ZMIZ1: variants seen among roughly 807,000 people sequenced by gnomAD.
ZMIZ1 encodes the protein zinc finger MIZ domain-containing protein 1.
Under a neutral mutation model 113.9 loss-of-function variants are expected in ZMIZ1, and 17 were observed. The observed-to-expected ratio is 0.15, with a 90% confidence interval of 0.10 to 0.22. ZMIZ1 has a LOEUF of 0.22. ZMIZ1 is among the 10% of genes least tolerant of loss of function. ZMIZ1 has a pLI of 1.00. For synonymous variants in ZMIZ1, 607 were observed against 603.1 expected (o/e 1.01, Z -0.09); for missense variants, 1,059 against 1,477.8 (o/e 0.72, Z 4.65).
rs1317936901 is a variant in ZMIZ1, at chr10:79,171,565, A to G, written c.-50+9432A>G. Among the ~76,000 whole-genome samples the G allele has an allele frequency of 2.6e-5, 4 of 152,302 alleles. No homozygotes were observed. In the East Asian group the frequency reaches 7.7e-4, roughly 29 times the overall value. On this transcript the variant is annotated intron_variant, in intron 4 of 24. Coordinates refer to ENST00000334512, the MANE Select transcript of ZMIZ1 (RefSeq NM_020338.4). ...GGGTCTGTGCTCGGCTCTTCAGGAG[A>G]CAAAGAAACAGACCTGTGCCAGCCA...
At chr10:79,254,095 T>C (rs1193340195) in intron 7 of ZMIZ1, among the ~76,000 whole-genome samples, 1 of 152,248 alleles carries the variant, frequency 6.6e-6, no homozygotes, top group African/African-American at 2.4e-5. Context: ...GAGGCTGTTT[T>C]CTTAAGCTGA....
chr10:79,279,208 G>A (rs1004055789), intron 8 of ZMIZ1, among the ~76,000 whole-genome samples: 1 of 151,632 alleles, frequency 6.6e-6, no homozygotes, highest in African/African-American at 2.4e-5. Context: ...CTTCCCGGAC[G>A]GGGCGGCTGC....
chr10:79,174,479 G>T (rs1846741665), intron 4 of ZMIZ1, among the ~76,000 whole-genome samples: 1 of 152,238 alleles, frequency 6.6e-6, no homozygotes, highest in South Asian at 2.1e-4. Context: ...GTTTTGATCT[G>T]TAGAATGACT....
chr10:79,095,065 C>A (rs1401658384), intron 1 of ZMIZ1, among the ~76,000 whole-genome samples: 1 of 152,156 alleles, frequency 6.6e-6, no homozygotes, highest in Non-Finnish European at 1.5e-5. Context: ...CAGCTGGCTA[C>A]AGGAGCTCTG....
intron 6 of ZMIZ1, among the ~76,000 whole-genome samples, chr10:79,211,539 C>T (rs532846160): frequency 3.9e-5 from 6 of 152,314 alleles, no homozygotes; most frequent in Non-Finnish European, 8.8e-5. Flanking sequence ...CCTCTGGATC[C>T]GGCTTACTTT....
At chr10:79,312,162 C>T (rs1015909676) in intron 24 of ZMIZ1, among the ~76,000 whole-genome samples, 21 of 152,248 alleles carry the variant, frequency 1.4e-4, no homozygotes, top group African/African-American at 5.1e-4. Flanking sequence ...TGGCTGCCAG[C>T]CAGCCACAGG....
chr10:79,188,108 G>A (rs1176692840), intron 4 of ZMIZ1, among the ~76,000 whole-genome samples: 2 of 152,242 alleles, frequency 1.3e-5, no homozygotes, highest in African/African-American at 4.8e-5. Flanking sequence ...GCCTGACGTA[G>A]TACATAATGA....
chr10:79,117,642 G>A (rs1305931025), intron 1 of ZMIZ1, among the ~76,000 whole-genome samples: 1 of 152,228 alleles, frequency 6.6e-6, no homozygotes, highest in Admixed American at 6.5e-5. Context: ...TGGACATGGA[G>A]TTCCTGGGTC....
intron 1 of ZMIZ1, among the ~76,000 whole-genome samples, chr10:79,111,357 A>G (rs982224520): frequency 2.6e-5 from 4 of 152,238 alleles, no homozygotes; most frequent in African/African-American, 9.6e-5. Context: ...AAGAGGATTT[A>G]GCTCACTGGA....
At chr10:79,286,618 G>A (rs961773769) in intron 8 of ZMIZ1, among the ~76,000 whole-genome samples, 3 of 152,280 alleles carry the variant, frequency 2.0e-5, no homozygotes, top group Non-Finnish European at 4.4e-5. Flanking sequence ...TCTTTGCTCT[G>A]GGGCGGCAAA....
chr10:79,297,565 G>A, intron 13 of ZMIZ1, 48 bp from the exon 14 acceptor site: 2 of 1,553,400 alleles, frequency 1.3e-6, no homozygotes, highest in Non-Finnish European at 1.8e-6. Context: ...GCGGGCTTCT[G>A]ATGGCTTTTC....
chr10:79,249,612 A>G (rs1289867249), intron 7 of ZMIZ1, among the ~76,000 whole-genome samples: 3 of 152,224 alleles, frequency 2.0e-5, no homozygotes, highest in East Asian at 3.8e-4. Flanking sequence ...TTAAATGTAC[A>G]TTAGTAAAAT....
At chr10:79,082,921 G>C (rs1300425773) in intron 1 of ZMIZ1, among the ~76,000 whole-genome samples, 1 of 152,110 alleles carries the variant, frequency 6.6e-6, no homozygotes, top group Non-Finnish European at 1.5e-5. Flanking sequence ...CCCTGGGGAG[G>C]GCAGAGTCTG....
At chr10:79,143,398 G>A (rs1423201836) in intron 3 of ZMIZ1, among the ~76,000 whole-genome samples, 1 of 152,048 alleles carries the variant, frequency 6.6e-6, no homozygotes, top group Non-Finnish European at 1.5e-5. Context: ...TTGACCCCGG[G>A]CCCACTCACC....
At chr10:79,084,784 G>GCTC in intron 1 of ZMIZ1, among the ~76,000 whole-genome samples, 1 of 151,864 alleles carries the variant, frequency 6.6e-6, no homozygotes, top group Admixed American at 6.6e-5. Flanking sequence ...AGGGTCAGCG[G>GCTC]CTGGGCTGGC....
At chr10:79,191,113 T>A (rs553099624) in intron 4 of ZMIZ1, among the ~76,000 whole-genome samples, 13 of 152,226 alleles carry the variant, frequency 8.5e-5, no homozygotes, top group Admixed American at 7.8e-4. Flanking sequence ...GGATGCCACC[T>A]CCACCTCTTG....
intron 8 of ZMIZ1, among the ~76,000 whole-genome samples, chr10:79,279,501 C>T (rs932054656): frequency 6.6e-6 from 1 of 151,970 alleles, no homozygotes; most frequent in Non-Finnish European, 1.5e-5. Flanking sequence ...GGCAGAGGGG[C>T]TCCTCACATC....
rs181337927 is a variant in ZMIZ1, at chr10:79,198,976, G to A, written c.-49-2608G>A. On this transcript the variant is annotated intron_variant, in intron 4 of 24. Transcript: ENST00000334512. ...TTGAACCTGGGAGGCGGAGGCTGCA[G>A]TGAGCCAAGATCACGCCATTGCACT... 6.6e-5 allele frequency among the ~76,000 whole-genome samples: 10 copies of A among 151,946 alleles called. No individual in the cohort carries two copies. In the East Asian group the frequency reaches 1.9e-3, roughly 30 times the overall value.
intron 7 of ZMIZ1, among the ~76,000 whole-genome samples, chr10:79,268,814 C>T (rs954843802): frequency 4.6e-5 from 7 of 152,118 alleles, no homozygotes; most frequent in Admixed American, 1.3e-4. Context: ...CCTCTGACCG[C>T]GTTGCAGAGG....
Sources: gnomAD v4.1 joint callset for allele counts (sites outside exome capture counted in the v4.1 genomes callset) on GRCh38, gnomAD v4.1.1 for gene constraint, MANE v1.5 for transcripts, NCBI Gene and HGNC (gene_info 2026-07-23, HGNC 2026-07-21) for gene names.